Variants in RHOF observed in about 807,000 individuals in gnomAD.
The protein encoded by RHOF is ras homolog family member F, filopodia associated, also known as rho-related GTP-binding protein RhoF.
RHOF carries 21 observed loss-of-function variants against 22.2 expected under a neutral mutation model. The observed-to-expected ratio is 0.95, with a 90% CI of 0.67 to 1.36. The LOEUF (loss-of-function observed/expected upper bound fraction) is 1.36. RHOF is among the 40% of genes most tolerant of loss of function. The pLI is 0.00. For synonymous variants in RHOF, 135 were observed against 131.2 expected (o/e 1.03, Z -0.20); for missense variants, 285 against 293.7 (o/e 0.97, Z 0.22).
chr12:121,779,316 A>C lies in RHOF; in HGVS notation c.*182T>G. On this transcript the variant is annotated 3_prime_UTR_variant, in exon 5 of 5. Coordinates refer to ENST00000267205, the MANE Select transcript of RHOF (RefSeq NM_019034.3). ...CCACCATGTCCCAGGGGCAGCCTGG[A>C]GGGGAGTTTGTGGTCAGAGCCCCAG... The C allele has an allele frequency of 3.1e-6, 2 of 653,064 alleles. No homozygotes were observed. Among genetic ancestry groups the C allele is most frequent in the Non-Finnish European group, 5.2e-6 (2 of 387,262 alleles). The allele number at this position is 653,064 out of a possible 1,614,324, so 40.5% of individuals were successfully genotyped here.
chr12:121,780,676 G>A (rs1005634341), intron 4 of RHOF, 196 bp downstream of exon 4: 9 of 635,418 alleles, frequency 1.4e-5, no homozygotes, highest in South Asian at 8.4e-5. Flanking sequence ...GCCTGCCTCC[G>A]AGTCCTAAGG....
At chr12:121,781,046 C>G (rs1463337863) in intron 3 of RHOF, 37 bp downstream of exon 3, 1 of 1,613,706 alleles carries the variant, frequency 6.2e-7, no homozygotes, top group Admixed American at 1.7e-5. Context: ...GCGGCCGGGC[C>G]CAGATGTGGG....
Position 121,778,723 on chromosome 12 carries a change from T to C in RHOF, c.*775A>G, listed in dbSNP as rs3741589. 0.016 allele frequency: 2,473 copies of C among 152,242 alleles called. 45 individuals are homozygous for C. Among genetic ancestry groups the C allele is most frequent in the African/African-American group, 0.038 (1,592 of 41,528 alleles). The allele number at this position is 152,242 out of a possible 1,614,324, so 9.4% of individuals were successfully genotyped here. ...GTGGGCCAGTCCTGTCCTACCACAG[T>C]GGGGGGAACAGTCCACAGAAAACTT... On this transcript the variant is annotated 3_prime_UTR_variant, in exon 5 of 5. Transcript: ENST00000267205.
chr12:121,787,072 G>A (rs1214919401), intron 2 of RHOF, among the ~76,000 whole-genome samples: 1 of 152,108 alleles, frequency 6.6e-6, no homozygotes, highest in Non-Finnish European at 1.5e-5. Flanking sequence ...AAAAAAAACA[G>A]TAATTCTCTG....
chr12:121,779,717 A>G, intron 4 of RHOF, 55 bp from the exon 5 acceptor site: 2 of 1,595,496 alleles, frequency 1.3e-6, no homozygotes, highest in East Asian at 2.2e-5. Context: ...GTCTCCTAGC[A>G]CCACCTGGTG....
At chr12:121,781,237 T>A in intron 2 of RHOF, 45 bp from the exon 3 acceptor site, 1 of 1,560,472 alleles carries the variant, frequency 6.4e-7, no homozygotes, top group Non-Finnish European at 8.8e-7. Context: ...CCCCTCCCTG[T>A]CTGGACTCTG....
Position 121,780,521 on chromosome 12 carries a change from C to T in RHOF, c.471+351G>A, listed in dbSNP as rs938470124. On this transcript the variant is annotated intron_variant, in intron 4 of 4. Transcript: ENST00000267205. ...ACAAGGCAGACAGGACACGACAGGACGGCGGCTCATAGCACAGACTTTGGA... is the reference window on the plus strand; with the variant it reads ...ACAAGGCAGACAGGACACGACAGGATGGCGGCTCATAGCACAGACTTTGGA... 50 of 430,150 alleles carry T rather than the reference C, an allele frequency of 1.2e-4. No individual in the cohort carries two copies. The East Asian group carries it at 1.4e-3, about 12-fold the overall frequency. The allele number at this position is 430,150 out of a possible 1,614,324, so 26.6% of individuals were successfully genotyped here. A position where few individuals can be genotyped will look rare whatever the true frequency, so the allele number is the denominator to read the frequency against.
chr12:121,779,376 G>T lies in RHOF; in HGVS notation c.*122C>A. Reference sequence around the variant, plus strand: ...GAGAGAGTTCCAGAATGTTCCAAGAGTCTAGCCGCAGGCCCCAGACACCAT... The same window carrying T: ...GAGAGAGTTCCAGAATGTTCCAAGATTCTAGCCGCAGGCCCCAGACACCAT... On this transcript the variant is annotated 3_prime_UTR_variant, in exon 5 of 5. Coordinates refer to ENST00000267205, the MANE Select transcript of RHOF (RefSeq NM_019034.3). The T allele has an allele frequency of 9.6e-7, 1 of 1,046,016 alleles. No homozygotes were observed. The highest frequency in any genetic ancestry group is 1.4e-6 in the Non-Finnish European group (1 of 730,698). 64.8% of individuals were successfully genotyped at this position (1,046,016 alleles called of 1,614,324 possible).
intron 2 of RHOF, among the ~76,000 whole-genome samples, chr12:121,787,915 G>A (rs1172219856): frequency 1.3e-4 from 17 of 135,432 alleles, no homozygotes; most frequent in Admixed American, 1.0e-3. Flanking sequence ...AAAAAGGGGG[G>A]GGGGGCGGGG....
At chr12:121,779,741 C>T in intron 4 of RHOF, 79 bp from the exon 5 acceptor site, 2 of 1,460,950 alleles carry the variant, frequency 1.4e-6, no homozygotes, top group Non-Finnish European at 1.9e-6. Flanking sequence ...TTGGGACTGG[C>T]TCTGAGGACT....
Position 121,778,015 on chromosome 12 carries a change from G to C in RHOF, c.*1483C>G, listed in dbSNP as rs1452929642. ...GCTGACGCCCCAGCACTGGGCCAGG[G>C]GGGCTGAGGCAGGAGATATGGGGAA... On this transcript the variant is annotated 3_prime_UTR_variant, in exon 5 of 5. Transcript: ENST00000267205. The C allele has an allele frequency of 2.6e-5, 4 of 152,208 alleles. No homozygotes were observed. The highest frequency in any genetic ancestry group is 9.7e-5 in the African/African-American group (4 of 41,440). 9.4% of individuals were successfully genotyped at this position (152,208 alleles called of 1,614,324 possible). A position where few individuals can be genotyped will look rare whatever the true frequency, so the allele number is the denominator to read the frequency against.
At position 121,781,136 on chromosome 12, in the gene RHOF, G is replaced by A. The variant is rs1391203488; in HGVS notation, c.283C>T (p.Leu95Phe). The A allele has an allele frequency of 2.5e-6, 4 of 1,614,128 alleles. No homozygotes were observed. Among genetic ancestry groups the A allele is most frequent in the South Asian group, 1.1e-5 (1 of 91,090 alleles). The change falls in exon 3 of 5, where the codon CTC becomes TTC. Residue 95 changes from leucine to phenylalanine, a missense_variant. Transcript: ENST00000267205. ...GGATTCATGACGTCATAGCAGATGAGCACGAGGTGGGTGTTCTGGTAGGAC... is the reference window on the plus strand; with the variant it reads ...GGATTCATGACGTCATAGCAGATGAACACGAGGTGGGTGTTCTGGTAGGAC... ...PLSYQNTHLV[L>F]ICYDVMNPTS... is the part of the protein sequence containing the mutation.
chr12:121,789,700 G>GTGGT (rs1346645211), intron 2 of RHOF, among the ~76,000 whole-genome samples: 4 of 152,184 alleles, frequency 2.6e-5, no homozygotes, highest in African/African-American at 9.6e-5. Context: ...CACCTTCTGG[G>GTGGT]TGACCCCAGC....
chr12:121,793,147 C>T lies in RHOF; in HGVS notation c.226+5G>A. On this transcript the variant is annotated splice_donor_5th_base_variant and intron_variant, in intron 2 of 4. Coordinates refer to ENST00000267205, the MANE Select transcript of RHOF (RefSeq NM_019034.3). ...TCGGGCCCCCCGGCGCGCAGGCGCA[C>T]TCACCGGCCGTGTCGTAGAGGTTCA... The T allele has an allele frequency of 1.3e-6, 2 of 1,549,470 alleles. No homozygotes were observed. The highest frequency in any genetic ancestry group is 1.7e-6 in the Non-Finnish European group (2 of 1,146,606).
Position 121,780,989 on chromosome 12 carries a change from C to T in RHOF, c.354G>A (p.Thr118=), listed in dbSNP as rs766057603. The change falls in exon 4 of 5, where the codon ACG becomes ACA. Residue 118 remains threonine, a synonymous_variant. Coordinates refer to ENST00000267205, the MANE Select transcript of RHOF (RefSeq NM_019034.3). The stretch of plus-strand genomic sequence containing the variant: ...CCATGGGGATCCCGCGGCAGAAATG[C>T]GTGACCTCAGGGAACCACTGTGGAG... The part of the protein sequence containing the change: ...NVLIKWFPEV[T]HFCRGIPMVL... The T allele has an allele frequency of 1.5e-5, 24 of 1,613,600 alleles. 1 individual carries two copies. Among genetic ancestry groups the T allele is most frequent in the East Asian group, 1.3e-4 (6 of 44,878 alleles).
intron 2 of RHOF, 35 bp from the exon 3 acceptor site, chr12:121,781,227 C>T (rs1458046664): frequency 1.3e-6 from 2 of 1,590,432 alleles, no homozygotes; most frequent in East Asian, 2.2e-5. Flanking sequence ...CAGGGGACGT[C>T]CCCTCCCTGT....
At chr12:121,782,878 T>G (rs959152810) in intron 2 of RHOF, 1 of 151,942 alleles carries the variant, frequency 6.6e-6, no homozygotes. Context: ...AATCATAAAA[T>G]CTACCTCACG....
chr12:121,786,360 T>C (rs1225701347), intron 2 of RHOF, among the ~76,000 whole-genome samples: 1 of 152,152 alleles, frequency 6.6e-6, no homozygotes, highest in Non-Finnish European at 1.5e-5. Context: ...CAGCCAAGGT[T>C]GTTCCACTCT....
chr12:121,791,784 A>G (rs1874771423), intron 2 of RHOF, among the ~76,000 whole-genome samples: 1 of 152,224 alleles, frequency 6.6e-6, no homozygotes, highest in African/African-American at 2.4e-5. Flanking sequence ...AGGAGGAGGA[A>G]AGAAAAAACC....
Sources: gnomAD v4.1 joint callset for allele counts (sites outside exome capture counted in the v4.1 genomes callset) on GRCh38, gnomAD v4.1.1 for gene constraint, MANE v1.5 for transcripts, NCBI Gene and HGNC (gene_info 2026-07-23, HGNC 2026-07-21) for gene names.